The following NSUN6 variants were observed in gnomAD, a reference collection of about 807,000 sequenced individuals.
NSUN6 encodes NOP2/Sun RNA methyltransferase 6.
NSUN6 carries 64 observed loss-of-function variants against 58.0 expected under a neutral mutation model. The observed-to-expected ratio is 1.10, with a 90% confidence interval of 0.90 to 1.36. The LOEUF is 1.36. Among genes scored for constraint, NSUN6 ranks in the 40% most tolerant of loss-of-function variants. The pLI, the probability that NSUN6 is intolerant of heterozygous loss-of-function variation, is 0.00. For missense variants in NSUN6, 701 were observed against 550.1 expected, an observed-to-expected ratio of 1.27 and a Z score of -2.74; for synonymous variants, 231 against 193.9, an observed-to-expected ratio of 1.19 and a Z score of -1.59.
At chr10:18,638,268 C>T (rs925566473) in intron 3 of NSUN6, among the ~76,000 whole-genome samples, 5 of 152,042 alleles carry the variant, frequency 3.3e-5, no homozygotes, top group Non-Finnish European at 5.9e-5. Context: ...CATGGAGAAA[C>T]CCCATCTACT....
rs1207132878 is a variant in NSUN6, at chr10:18,555,175, GATGGAATGGAATGGAGA to G, written c.923-3221_923-3205del. ...GAATGGAGGATGGAATGGAATGGAGGATGGAATGGAATGGAGAATGGAATGGAATATGGAATGGAATG... is the reference window on the plus strand; with the variant it reads ...GAATGGAGGATGGAATGGAATGGAGGATGGAATGGAATATGGAATGGAATG... On this transcript the variant is annotated intron_variant, in intron 8 of 10. Coordinates refer to ENST00000377304, the MANE Select transcript of NSUN6 (RefSeq NM_182543.5). Among the ~76,000 whole-genome samples, 7 of 147,328 alleles carry G rather than the reference GATGGAATGGAATGGAGA, an allele frequency of 4.8e-5. No individual in the cohort carries two copies. The South Asian group carries it at 6.6e-4, about 14-fold the overall frequency.
Position 18,545,923 on chromosome 10 carries a change from C to A in NSUN6, c.*10G>T. 1 of 1,397,726 alleles carries A rather than the reference C, an allele frequency of 7.2e-7. No homozygotes were observed. The highest frequency in any genetic ancestry group is 1.2e-5 in the South Asian group (1 of 82,220). 86.6% of individuals were successfully genotyped at this position (1,397,726 alleles called of 1,614,324 possible). On this transcript the variant is annotated 3_prime_UTR_variant, in exon 11 of 11. Transcript: ENST00000377304. ...TTTGGAATTTTCATTTCTGAGCATC[C>A]ATCCCTCTCCTATGTGCTTTTGCAT...
intron 3 of NSUN6, among the ~76,000 whole-genome samples, chr10:18,640,441 G>A (rs2059356488): frequency 6.6e-6 from 1 of 152,164 alleles, no homozygotes; most frequent in Non-Finnish European, 1.5e-5. Context: ...AAGAAAAAGT[G>A]TTTAACAGAA....
chr10:18,610,863 T>C lies in NSUN6; in HGVS notation c.576-937A>G, dbSNP rs181379488. On this transcript the variant is annotated intron_variant, in intron 5 of 10. Transcript: ENST00000377304. The stretch of plus-strand genomic sequence containing the variant: ...GAGAAATTCAAAGAGTTCTGGGGAT[T>C]AGGACGGCACAGAAAAAAGTATAGT... 2.3e-3 allele frequency among the ~76,000 whole-genome samples: 346 copies of C among 152,244 alleles called. 3 individuals carry two copies. Among genetic ancestry groups the C allele is most frequent in the African/African-American group, 7.9e-3 (328 of 41,550 alleles).
At chr10:18,611,841 A>C (rs2058250166) in intron 5 of NSUN6, among the ~76,000 whole-genome samples, 1 of 152,104 alleles carries the variant, frequency 6.6e-6, no homozygotes, top group East Asian at 1.9e-4. Context: ...GAGTTCCTGG[A>C]ATAACGGGTA....
intron 2 of NSUN6, among the ~76,000 whole-genome samples, chr10:18,646,701 G>T (rs995921859): frequency 6.6e-6 from 1 of 152,072 alleles, no homozygotes; most frequent in Non-Finnish European, 1.5e-5. Context: ...AAATGTAGCA[G>T]GCGTCTGTAG....
rs2059563019 is a variant in NSUN6, at chr10:18,646,914, CAT to C, written c.231+1574_231+1575del. Among the ~76,000 whole-genome samples the C allele has an allele frequency of 5.3e-5, 8 of 152,158 alleles. No homozygotes were observed. In the South Asian group the frequency reaches 1.7e-3, roughly 31 times the overall value. ...CAGTTTCCTTTTTATTAGCTGAAAA[CAT>C]ACACATGGTTATGGAAAAGTAATGA... is the stretch of plus-strand genomic sequence containing the variant. On this transcript the variant is annotated intron_variant, in intron 2 of 10. Transcript: ENST00000377304.
chr10:18,604,503 T>C (rs971838728), intron 6 of NSUN6, among the ~76,000 whole-genome samples: 2 of 152,092 alleles, frequency 1.3e-5, no homozygotes, highest in African/African-American at 4.8e-5. Flanking sequence ...TTGTTAGAAA[T>C]ACAGAATCGC....
At chr10:18,587,012 C>G (rs561160875) in intron 7 of NSUN6, among the ~76,000 whole-genome samples, 67 of 152,314 alleles carry the variant, frequency 4.4e-4, no homozygotes, top group Non-Finnish European at 7.5e-4. Context: ...GGCTTCACCT[C>G]TCATGTATAT....
At chr10:18,654,354 G>C (rs1231553856), upstream of NSUN6, among the ~76,000 whole-genome samples, 1 of 152,044 alleles carries the variant, frequency 6.6e-6, no homozygotes, top group Non-Finnish European at 1.5e-5. Flanking sequence ...TCTTTTACTT[G>C]CCAAAATGTT....
chr10:18,560,922 G>C (rs973347176), intron 8 of NSUN6, among the ~76,000 whole-genome samples: 1 of 151,234 alleles, frequency 6.6e-6, no homozygotes, highest in Non-Finnish European at 1.5e-5. Context: ...GAATGGAATG[G>C]AGCATAGAAT....
intron 8 of NSUN6, among the ~76,000 whole-genome samples, chr10:18,572,796 T>C (rs1485593439): frequency 2.0e-5 from 3 of 150,736 alleles, no homozygotes; most frequent in Non-Finnish European, 4.4e-5. Flanking sequence ...TCCATTCCAT[T>C]CCATACTCCA....
chr10:18,642,509 T>C lies in NSUN6; in HGVS notation c.278A>G (p.Gln93Arg). The change falls in exon 3 of 11, where the codon CAA becomes CGA. Residue 93 changes from glutamine to arginine, a missense_variant. Coordinates refer to ENST00000377304, the MANE Select transcript of NSUN6 (RefSeq NM_182543.5). ...AATAACAGGAATAAGTAACACATCT[T>C]GAAGGTCTGGATGTTGAAGAATAGG... Reference protein sequence around the residue: ...SVPILQHPDLQDVLLIPVIGP... With the variant: ...SVPILQHPDLRDVLLIPVIGP... 2.6e-6 allele frequency: 4 copies of C among 1,561,028 alleles called. No individual in the cohort carries two copies. The highest frequency in any genetic ancestry group is 3.5e-6 in the Non-Finnish European group (4 of 1,132,432).
At chr10:18,629,044 A>T (rs2058932212) in intron 3 of NSUN6, among the ~76,000 whole-genome samples, 1 of 152,252 alleles carries the variant, frequency 6.6e-6, no homozygotes, top group African/African-American at 2.4e-5. Context: ...CATCAGACTA[A>T]CAGCAGGTCT....
At chr10:18,552,190 CTGT>C (rs2054648272) in intron 8 of NSUN6, among the ~76,000 whole-genome samples, 1 of 151,956 alleles carries the variant, frequency 6.6e-6, no homozygotes, top group Non-Finnish European at 1.5e-5. Context: ...AAAAGTTATT[CTGT>C]TGATATAGTA....
chr10:18,654,140 G>A (rs1226710090), upstream of NSUN6, among the ~76,000 whole-genome samples: 2 of 152,158 alleles, frequency 1.3e-5, no homozygotes, highest in Non-Finnish European at 2.9e-5. Context: ...CTGTCGCCCA[G>A]GCTGGAGTGC....
At chr10:18,628,107 G>A (rs1004655305) in intron 3 of NSUN6, among the ~76,000 whole-genome samples, 12 of 152,256 alleles carry the variant, frequency 7.9e-5, no homozygotes, top group Admixed American at 5.9e-4. Context: ...CCTGACCCCT[G>A]AGCAGCCTAA....
intron 8 of NSUN6, among the ~76,000 whole-genome samples, chr10:18,554,368 GA>G (rs2054827635): frequency 6.6e-6 from 1 of 151,114 alleles, no homozygotes; most frequent in South Asian, 2.1e-4. Context: ...AATGGAGAAT[GA>G]AATGGAATGG....
At chr10:18,645,032 C>T (rs1339807929) in intron 2 of NSUN6, among the ~76,000 whole-genome samples, 1 of 151,440 alleles carries the variant, frequency 6.6e-6, no homozygotes, top group Non-Finnish European at 1.5e-5. Context: ...TTTGAGCGCA[C>T]CTGTAATCCC....
Sources: gnomAD v4.1 joint callset for allele counts (sites outside exome capture counted in the v4.1 genomes callset) on GRCh38, gnomAD v4.1.1 for gene constraint, MANE v1.5 for transcripts, NCBI Gene and HGNC (gene_info 2026-07-23, HGNC 2026-07-21) for gene names.